The following TGM6 variants were observed in gnomAD, a reference collection of about 807,000 sequenced individuals.
TGM6 encodes transglutaminase 6, also known as protein-glutamine gamma-glutamyltransferase 6.
In TGM6, 74 loss-of-function variants were observed where a neutral mutation model predicts 77.5. The observed-to-expected ratio is 0.96, with a 90% CI of 0.79 to 1.16. The LOEUF is 1.16. Among genes scored for constraint, TGM6 ranks in the 50% most tolerant of loss-of-function variants. TGM6 has a pLI of 0.00. For synonymous variants in TGM6, 383 were observed against 378.9 expected (o/e 1.01, Z -0.12); for missense variants, 968 against 940.2 (o/e 1.03, Z -0.39).
At chr20:2,415,972 T>C (rs58590547) in intron 9 of TGM6, among the ~76,000 whole-genome samples, 1,628 of 152,222 alleles carry the variant, frequency 0.011, 31 homozygotes, top group African/African-American at 0.037. Flanking sequence ...GTGAAGACCA[T>C]GGACAACAAG....
chr20:2,412,731 C>A (rs1374955778), intron 9 of TGM6, among the ~76,000 whole-genome samples: 1 of 152,072 alleles, frequency 6.6e-6, no homozygotes, highest in Non-Finnish European at 1.5e-5. Context: ...TTTCTAGATA[C>A]TGGCAATGGA....
chr20:2,425,258 G>A (rs9789801), intron 10 of TGM6, among the ~76,000 whole-genome samples: 33,831 of 151,712 alleles, frequency 0.22, 3,967 homozygotes, highest in South Asian at 0.3. Flanking sequence ...GAGGCAGGAG[G>A]ATTGCTTGAG....
intron 11 of TGM6, 101 bp from the exon 12 acceptor site, chr20:2,430,793 T>C: frequency 1.2e-6 from 2 of 1,606,722 alleles, no homozygotes; most frequent in South Asian, 2.2e-5. Flanking sequence ...GAGGTGGGGG[T>C]GGACATGACT....
At chr20:2,395,490 A>T in intron 3 of TGM6, 54 bp downstream of exon 3, 1 of 1,613,978 alleles carries the variant, frequency 6.2e-7, no homozygotes, top group Admixed American at 1.7e-5. Context: ...TCCTTAGAGG[A>T]GAGCCTGCCC....
At chr20:2,401,221 T>A (rs566249622) in intron 7 of TGM6, among the ~76,000 whole-genome samples, 24 of 137,274 alleles carry the variant, frequency 1.7e-4, no homozygotes, top group Admixed American at 5.1e-4. Context: ...AAAAAAAAAA[T>A]TCATTCTAAC....
chr20:2,397,798 TTGGAGGGG>T lies in TGM6; in HGVS notation c.544-119_544-112del. On this transcript the variant is annotated intron_variant, in intron 4 of 12. Transcript: ENST00000202625. The stretch of plus-strand genomic sequence containing the variant: ...GGGTGCTCTGTGATGCCCCTGGTGG[TTGGAGGGG>T]GCAGCAAACTGCCCTGCACAGATGG... 5 of 1,533,362 alleles carry T rather than the reference TTGGAGGGG, an allele frequency of 3.3e-6. No homozygotes were observed. The African/African-American group carries it at 6.8e-5, about 21-fold the overall frequency. The allele number at this position is 1,533,362 out of a possible 1,614,324, so 95.0% of individuals were successfully genotyped here. A position where few individuals can be genotyped will look rare whatever the true frequency, so the allele number is the denominator to read the frequency against.
chr20:2,421,715 C>A (rs1416754995), intron 10 of TGM6, among the ~76,000 whole-genome samples: 1 of 152,144 alleles, frequency 6.6e-6, no homozygotes, highest in Non-Finnish European at 1.5e-5. Context: ...ACATTTTCTC[C>A]CAGGCTGTGT....
chr20:2,384,738 G>A (rs764231269), intron 1 of TGM6, among the ~76,000 whole-genome samples: 10 of 152,164 alleles, frequency 6.6e-5, no homozygotes, highest in Non-Finnish European at 8.8e-5. Context: ...GAAAGGAAGC[G>A]CTGAGAAGAC....
intron 4 of TGM6, among the ~76,000 whole-genome samples, chr20:2,396,874 A>G (rs905669648): frequency 6.6e-6 from 1 of 152,180 alleles, no homozygotes; most frequent in African/African-American, 2.4e-5. Context: ...AAAAATGAAT[A>G]GCTCTGATCA....
rs772274519 is a variant in TGM6, at chr20:2,403,804, C to T, written c.1317C>T (p.Asp439=). The change falls in exon 9 of 13, where the codon GAC becomes GAT. Residue 439 remains aspartate, a synonymous_variant. Transcript: ENST00000202625. ...GTGACTCCCGCGTGGACATCACTGACCTCTACAAGTATCCGGAAGGTAAGG... is the reference window on the plus strand; with the variant it reads ...GTGACTCCCGCGTGGACATCACTGATCTCTACAAGTATCCGGAAGGTAAGG... ...VGSDSRVDIT[D]LYKYPEGSRK... is the part of the protein sequence containing the mutation. The T allele has an allele frequency of 4.3e-6, 7 of 1,614,052 alleles. No individual in the cohort carries two copies. The East Asian group carries it at 6.7e-5, about 15-fold the overall frequency.
chr20:2,420,162 G>A (rs773982271), intron 10 of TGM6, among the ~76,000 whole-genome samples: 5 of 152,038 alleles, frequency 3.3e-5, no homozygotes, highest in Non-Finnish European at 7.4e-5. Flanking sequence ...GGAGAAAGGC[G>A]TGAACCCAGG....
At chr20:2,422,698 G>A (rs1273766342) in intron 10 of TGM6, among the ~76,000 whole-genome samples, 1 of 152,150 alleles carries the variant, frequency 6.6e-6, no homozygotes, top group Non-Finnish European at 1.5e-5. Context: ...TTGGGAGGCT[G>A]AGGCAGAAGG....
At chr20:2,406,457 C>T (rs2084750929) in intron 9 of TGM6, among the ~76,000 whole-genome samples, 1 of 149,622 alleles carries the variant, frequency 6.7e-6, no homozygotes, top group Non-Finnish European at 1.5e-5. Context: ...TGTGCCACTG[C>T]ACTCCAGCCT....
At chr20:2,393,695 T>C (rs557885144) in intron 1 of TGM6, among the ~76,000 whole-genome samples, 1 of 152,026 alleles carries the variant, frequency 6.6e-6, no homozygotes, top group South Asian at 2.1e-4. Context: ...TGGCTCATTT[T>C]TTGTATTATA....
intron 12 of TGM6, 57 bp from the exon 13 acceptor site, chr20:2,432,433 A>C (rs2084929424): frequency 5.0e-6 from 8 of 1,609,082 alleles, no homozygotes; most frequent in Non-Finnish European, 5.9e-6. Context: ...TTGGCAGGCC[A>C]GACTCAGAAT....
rs1481567689 is a variant in TGM6 at position 2,394,441 on chromosome 20, T to A, written c.8-11T>A. 2.5e-6 allele frequency: 4 copies of A among 1,611,168 alleles called. No homozygotes were observed. Among genetic ancestry groups the A allele is most frequent in the Non-Finnish European group, 3.4e-6 (4 of 1,179,830 alleles). ...GCCGTGGCCTCATCTCCCTGTCCTC[T>A]CCCCACCCAGGGATCAGAGTCACCA... is the stretch of plus-strand genomic sequence containing the variant. On this transcript the variant is annotated splice_polypyrimidine_tract_variant and intron_variant, in intron 1 of 12. Transcript: ENST00000202625.
chr20:2,392,430 A>G (rs2084635350), intron 1 of TGM6, among the ~76,000 whole-genome samples: 1 of 152,188 alleles, frequency 6.6e-6, no homozygotes, highest in South Asian at 2.1e-4. Context: ...CTTCTCCCTG[A>G]TAGCATGTAT....
intron 10 of TGM6, among the ~76,000 whole-genome samples, chr20:2,420,476 A>C (rs993593826): frequency 6.6e-6 from 1 of 152,230 alleles, no homozygotes; most frequent in Non-Finnish European, 1.5e-5. Flanking sequence ...ATATTGGCAC[A>C]GTATTATTAA....
rs2084650902 is a variant in TGM6, at chr20:2,394,688, G to A, written c.181+63G>A. On this transcript the variant is annotated intron_variant, in intron 2 of 12. Transcript: ENST00000202625. ...CTGGAGGGACCTGTCTTATGACTCA[G>A]TAACATAAGACCTTGCAGTCAGCAG... is the stretch of plus-strand genomic sequence containing the variant. 6 of 1,527,144 alleles carry A rather than the reference G, an allele frequency of 3.9e-6. No individual in the cohort carries two copies. The South Asian group carries it at 7.1e-5, about 18-fold the overall frequency. 94.6% of individuals were successfully genotyped at this position (1,527,144 alleles called of 1,614,324 possible).
Sources: gnomAD v4.1 joint callset for allele counts (sites outside exome capture counted in the v4.1 genomes callset) on GRCh38, gnomAD v4.1.1 for gene constraint, MANE v1.5 for transcripts, NCBI Gene and HGNC (gene_info 2026-07-23, HGNC 2026-07-21) for gene names.